Variants in STS observed in about 807,000 individuals in gnomAD.
STS encodes steryl-sulfatase.
In STS, 7 loss-of-function variants were observed where a neutral mutation model predicts 26.8. That is an observed-to-expected ratio of 0.26 (90% CI 0.15 to 0.49). STS has a LOEUF of 0.49. Among genes scored for constraint, STS ranks in the 20% least tolerant of loss-of-function variants. The pLI is 0.98. For missense variants in STS, 434 were observed against 465.6 expected (o/e 0.93, Z 0.63); for synonymous variants, 199 against 189.4 (o/e 1.05, Z -0.42).
At position 7,162,930 on chromosome X, in the gene STS, G is replaced by A. The variant is rs189008888; in HGVS notation, c.-134+14847G>A. Among the ~76,000 whole-genome samples the A allele has an allele frequency of 2.9e-4, 30 of 102,738 alleles. No individual in the cohort carries two copies. The East Asian group carries it at 6.5e-3, about 22-fold the overall frequency. 89.2% of individuals were successfully genotyped at this position (102,738 alleles called of 115,157 possible). A position where few individuals can be genotyped will look rare whatever the true frequency, so the allele number is the denominator to read the frequency against. On this transcript the variant is annotated intron_variant, in intron 1 of 10. Coordinates refer to ENST00000674429, the MANE Select transcript of STS (RefSeq NM_001320752.2). ...AAATTAGCTGGGCCTGGTGGCGCGC[G>A]CCTGTAATCTCGGCTACTCAGGAGG...
At chrX:7,265,114 C>A (rs1324382991) in intron 6 of STS, among the ~76,000 whole-genome samples, 2 of 107,636 alleles carry the variant, frequency 1.9e-5, no homozygotes, top group Non-Finnish European at 3.8e-5. Context: ...TGACCATGCT[C>A]TTACCTAGTG....
intron 8 of STS, 99 bp from the exon 9 acceptor site, chrX:7,325,240 G>T: frequency 1.1e-6 from 1 of 891,637 alleles, no homozygotes. Flanking sequence ...AATTAGAGCA[G>T]TTGGTTCTTC....
intron 8 of STS, among the ~76,000 whole-genome samples, chrX:7,324,973 G>T (rs1051013368): frequency 9.0e-6 from 1 of 111,042 alleles, no homozygotes; most frequent in Admixed American, 9.6e-5. Context: ...ACACTTGGGG[G>T]CACCATTATT....
intron 1 of STS, among the ~76,000 whole-genome samples, chrX:7,173,886 G>A (rs891613940): frequency 8.9e-6 from 1 of 112,396 alleles, no homozygotes; most frequent in Admixed American, 9.5e-5. Flanking sequence ...GTTGAAGTGA[G>A]AGTGGTAGAA....
At chrX:7,162,423 C>T (rs773711560) in intron 1 of STS, among the ~76,000 whole-genome samples, 5 of 111,493 alleles carry the variant, frequency 4.5e-5, no homozygotes, top group Non-Finnish European at 9.4e-5. Context: ...AGGAGAAGCA[C>T]CTTCAACTGT....
chrX:7,150,943 G>A (rs973294905), intron 1 of STS, among the ~76,000 whole-genome samples: 16 of 112,051 alleles, frequency 1.4e-4, no homozygotes, highest in Non-Finnish European at 3.0e-4. Context: ...GTTTACTTTT[G>A]TACAGTTGTG....
At chrX:7,156,151 CAA>C (rs1182960488) in intron 1 of STS, among the ~76,000 whole-genome samples, 5 of 92,282 alleles carry the variant, frequency 5.4e-5, no homozygotes, top group African/African-American at 4.0e-5. Context: ...GAACCTATCT[CAA>C]AAAAAAAAAA....
rs1211924249 is a variant in STS, at chrX:7,353,196, T to C, written c.*2935T>C. 9.0e-6 allele frequency: 1 copy of C among 111,200 alleles called. No homozygotes were observed. The highest frequency in any genetic ancestry group is 1.9e-5 in the Non-Finnish European group (1 of 53,123). 9.2% of individuals were successfully genotyped at this position (111,200 alleles called of 1,213,427 possible). ...CAGTTCTGCAAAGATTCGTCAACTT[T>C]CTTAGCTCAAGAGAGAGGCTGAGAA... On this transcript the variant is annotated 3_prime_UTR_variant, in exon 11 of 11. Transcript: ENST00000674429.
In STS at chrX:7,190,978, T is replaced by G. The variant is rs1933861513; in HGVS notation, c.-35T>G. 1 of 751,531 alleles carries G rather than the reference T, an allele frequency of 1.3e-6. No homozygotes were observed. Among genetic ancestry groups the G allele is most frequent in the Admixed American group, 8.9e-5 (1 of 11,268 alleles). 61.9% of individuals were successfully genotyped at this position (751,531 alleles called of 1,213,427 possible). A position where few individuals can be genotyped will look rare whatever the true frequency, so the allele number is the denominator to read the frequency against. On this transcript the variant is annotated 5_prime_UTR_variant, in exon 2 of 11. The change abolishes an upstream ATG in the 5' untranslated region. Coordinates refer to ENST00000674429, the MANE Select transcript of STS (RefSeq NM_001320752.2). ...TAAGTTAAGATCTTCCTGAGGACAATGGCGCAAGATCGTCTTCAGCTGTTC... is the reference window on the plus strand; with the variant it reads ...TAAGTTAAGATCTTCCTGAGGACAAGGGCGCAAGATCGTCTTCAGCTGTTC...
At chrX:7,299,212 T>G (rs1475368921) in intron 7 of STS, among the ~76,000 whole-genome samples, 2 of 94,863 alleles carry the variant, frequency 2.1e-5, no homozygotes, top group African/African-American at 4.0e-5. Flanking sequence ...TTATATAAAA[T>G]ATATAAATTT....
At chrX:7,315,703 G>T (rs1025263215) in intron 8 of STS, among the ~76,000 whole-genome samples, 5 of 111,395 alleles carry the variant, frequency 4.5e-5, no homozygotes, top group Non-Finnish European at 9.4e-5. Context: ...CTTGGAGTCT[G>T]ATATTCAAGG....
At position 7,259,184 on chromosome X, in the gene STS, G is replaced by A. The variant is rs771262138; in HGVS notation, c.383-165G>A. ...TAGAGTGAGTAGGTAATACCTTAGC[G>A]TTTGTGGGGAAAAAAAAGTGAAAAA... On this transcript the variant is annotated intron_variant, in intron 5 of 10. Coordinates refer to ENST00000674429, the MANE Select transcript of STS (RefSeq NM_001320752.2). 4.5e-5 allele frequency among the ~76,000 whole-genome samples: 5 copies of A among 111,432 alleles called. No individual in the cohort carries two copies. In the South Asian group the frequency reaches 1.5e-3, roughly 33 times the overall value.
chrX:7,309,512 A>G (rs780072485), intron 8 of STS, among the ~76,000 whole-genome samples: 24 of 110,981 alleles, frequency 2.2e-4, no homozygotes, highest in African/African-American at 7.9e-4. Flanking sequence ...TACCTATGTA[A>G]CAAACCAACC....
At chrX:7,199,030 T>C (rs1934021594) in intron 2 of STS, among the ~76,000 whole-genome samples, 1 of 111,882 alleles carries the variant, frequency 8.9e-6, no homozygotes. Flanking sequence ...GTATAGCAGT[T>C]CCTTAGTTTA....
chrX:7,178,669 A>T (rs1933619660), intron 1 of STS, among the ~76,000 whole-genome samples: 1 of 112,636 alleles, frequency 8.9e-6, no homozygotes, highest in Admixed American at 9.4e-5. Flanking sequence ...AAAGTGGTTA[A>T]CTAGCTTTCT....
intron 6 of STS, among the ~76,000 whole-genome samples, chrX:7,265,022 G>GT (rs66982354): frequency 0.022 from 1,840 of 82,017 alleles, 26 homozygotes; most frequent in Admixed American, 0.069. Flanking sequence ...ATTTTATTCT[G>GT]TTTTTTTTTT....
chrX:7,198,787 A>G (rs1384901111), intron 2 of STS, among the ~76,000 whole-genome samples: 2 of 112,567 alleles, frequency 1.8e-5, no homozygotes, highest in Non-Finnish European at 3.8e-5. Context: ...GGGTTTCACA[A>G]ACTTTAGCCT....
At chrX:7,173,483 A>G (rs1933507477) in intron 1 of STS, among the ~76,000 whole-genome samples, 1 of 111,806 alleles carries the variant, frequency 8.9e-6, no homozygotes, top group Non-Finnish European at 1.9e-5. Flanking sequence ...GTCAAATGGT[A>G]TTTCTGGTTC....
intron 9 of STS, among the ~76,000 whole-genome samples, chrX:7,332,054 C>A (rs1927775297): frequency 9.0e-6 from 1 of 111,063 alleles, no homozygotes; most frequent in Admixed American, 9.6e-5. Context: ...TTAGTTAAAT[C>A]CCCCTTTCCT....
Sources: allele counts gnomAD v4.1 joint callset (sites outside exome capture counted in the v4.1 genomes callset), GRCh38; gene constraint gnomAD v4.1.1; transcripts MANE v1.5; gene names NCBI Gene and HGNC (gene_info 2026-07-23, HGNC 2026-07-21).